SORBS2: variants seen among roughly 807,000 people sequenced by gnomAD.
SORBS2 encodes the protein sorbin and SH3 domain-containing protein 2.
In SORBS2, 46 loss-of-function variants were observed where a neutral mutation model predicts 97.7. The ratio of observed to expected loss-of-function variants is 0.47; its 90% CI spans 0.37 to 0.60. SORBS2 has a LOEUF of 0.60. Among genes scored for constraint, SORBS2 ranks in the 20% least tolerant of loss-of-function variants. SORBS2 has a pLI of 0.00. For synonymous variants in SORBS2, 476 were observed against 473.4 expected, an observed-to-expected ratio of 1.01 and a Z score of -0.07; for missense variants, 1,316 against 1,282.3, an observed-to-expected ratio of 1.03 and a Z score of -0.40.
At chr4:185,662,067 A>T in intron 5 of SORBS2, 37 bp downstream of exon 8, 1 of 1,611,666 alleles carries the variant, frequency 6.2e-7, no homozygotes, top group Non-Finnish European at 8.5e-7. Context: ...TGCCGCATTG[A>T]GGTTGCCATG....
intron 4 of SORBS2, 94 bp from the exon 16 acceptor site, chr4:185,635,505 C>G: frequency 1.1e-6 from 1 of 950,430 alleles, no homozygotes; most frequent in East Asian, 2.6e-5. Flanking sequence ...AAGGTGACAA[C>G]AGTTAGAAAT....
chr4:185,705,959 G>A (rs1264532324), intron 2 of SORBS2, among the ~76,000 whole-genome samples: 1 of 152,144 alleles, frequency 6.6e-6, no homozygotes, highest in African/African-American at 2.4e-5. Flanking sequence ...ATGATTTAGA[G>A]GTGTCAGGCT....
intron 1 of SORBS2, among the ~76,000 whole-genome samples, chr4:185,912,711 CTTCT>C (rs1177189141): frequency 6.6e-6 from 1 of 151,824 alleles, no homozygotes; most frequent in Non-Finnish European, 1.5e-5. Context: ...ATCCTGGCAG[CTTCT>C]TTGTTAGCCC....
intron 1 of SORBS2, among the ~76,000 whole-genome samples, chr4:185,940,231 G>A (rs1579595336): frequency 6.6e-6 from 1 of 152,186 alleles, no homozygotes; most frequent in South Asian, 2.1e-4. Context: ...ATATCTCCAG[G>A]ACCAATCTTT....
chr4:185,612,237 T>C (rs943881525), intron 11 of SORBS2, among the ~76,000 whole-genome samples: 2 of 152,200 alleles, frequency 1.3e-5, no homozygotes, highest in African/African-American at 2.4e-5. Context: ...TGAACGGGTT[T>C]ATACTTGTTT....
chr4:185,844,703 C>T (rs141889505), intron 1 of SORBS2, among the ~76,000 whole-genome samples: 21 of 152,220 alleles, frequency 1.4e-4, no homozygotes, highest in African/African-American at 4.8e-4. Context: ...AGAAACAAAC[C>T]AAATGCCCAC....
At chr4:185,783,140 A>G (rs1265492978) in intron 1 of SORBS2, among the ~76,000 whole-genome samples, 3 of 152,230 alleles carry the variant, frequency 2.0e-5, no homozygotes, top group Non-Finnish European at 4.4e-5. Flanking sequence ...GAAACTCATG[A>G]CGGTGAAGGA....
intron 2 of SORBS2, chr4:185,757,092 G>T (rs1257782174): frequency 1.7e-6 from 1 of 591,566 alleles, no homozygotes; most frequent in African/African-American, 1.9e-5. Context: ...TTTTCCTGTC[G>T]AACTGCGTGG....
At chr4:185,638,005 T>A in intron 4 of SORBS2, 74 bp downstream of exon 15, 1 of 918,220 alleles carries the variant, frequency 1.1e-6, no homozygotes, top group Non-Finnish European at 1.8e-6. Flanking sequence ...CACCCACGTC[T>A]ACTGATAATT....
At chr4:185,910,396 A>G (rs1344292758) in intron 1 of SORBS2, among the ~76,000 whole-genome samples, 12 of 152,120 alleles carry the variant, frequency 7.9e-5, no homozygotes. Flanking sequence ...AGTTGACTTC[A>G]TTTTATCCTC....
At chr4:185,743,923 T>C (rs2098743461) in intron 2 of SORBS2, among the ~76,000 whole-genome samples, 1 of 145,412 alleles carries the variant, frequency 6.9e-6, no homozygotes, top group South Asian at 2.3e-4. Flanking sequence ...TTCTATTTTC[T>C]TTCCTCCTCC....
chr4:185,679,646 A>G (rs1405651804), intron 2 of SORBS2, among the ~76,000 whole-genome samples: 3 of 152,066 alleles, frequency 2.0e-5, no homozygotes, highest in Non-Finnish European at 2.9e-5. Flanking sequence ...CTTTACTTAG[A>G]TTCATTAAGC....
At chr4:185,909,718 A>G (rs898740603) in intron 1 of SORBS2, among the ~76,000 whole-genome samples, 4 of 152,170 alleles carry the variant, frequency 2.6e-5, no homozygotes, top group African/African-American at 9.7e-5. Context: ...TTTGGTCAAG[A>G]ACTCTAAACT....
At chr4:185,766,237 A>C (rs1015803697) in intron 2 of SORBS2, among the ~76,000 whole-genome samples, 11 of 152,272 alleles carry the variant, frequency 7.2e-5, no homozygotes, top group Admixed American at 2.0e-4. Flanking sequence ...CTATGGGCCT[A>C]CTCATAGATG....
chr4:185,834,160 G>T (rs1049981793), intron 1 of SORBS2, among the ~76,000 whole-genome samples: 3 of 152,144 alleles, frequency 2.0e-5, no homozygotes, highest in African/African-American at 7.2e-5. Context: ...ATTGGCTTGT[G>T]GTTCCACAGG....
chr4:185,886,566 AAAAAAAAGAAAAGAAAAAAAAAAG>A (rs1313836547), intron 1 of SORBS2, among the ~76,000 whole-genome samples: 34 of 145,844 alleles, frequency 2.3e-4, no homozygotes, highest in African/African-American at 8.2e-4. Context: ...AAAAAAAAAA[AAAAAAAAGAAAAGAAAAAAAAAAG>A]AAAAGAAAAC....
intron 2 of SORBS2, among the ~76,000 whole-genome samples, chr4:185,748,771 T>C (rs2098780346): frequency 6.6e-6 from 1 of 152,268 alleles, no homozygotes. Flanking sequence ...AAATGATAGC[T>C]AAACCTGGCT....
chr4:185,914,048 G>A (rs1000917486), intron 1 of SORBS2, among the ~76,000 whole-genome samples: 6 of 152,174 alleles, frequency 3.9e-5, no homozygotes, highest in African/African-American at 1.4e-4. Flanking sequence ...GAAATTTTGA[G>A]TACCAAAACA....
At chr4:185,647,832 T>C (rs971853288) in intron 3 of SORBS2, among the ~76,000 whole-genome samples, 2 of 152,240 alleles carry the variant, frequency 1.3e-5, no homozygotes, top group African/African-American at 4.8e-5. Flanking sequence ...ATAATACATA[T>C]GAAAGCCATA....
Sources: gnomAD v4.1 joint callset for allele counts (sites outside exome capture counted in the v4.1 genomes callset) on GRCh38, gnomAD v4.1.1 for gene constraint, MANE v1.5 for transcripts, NCBI Gene and HGNC (gene_info 2026-07-23, HGNC 2026-07-21) for gene names.